The following SPIDR variants were observed in gnomAD, a reference collection of about 807,000 sequenced individuals.
SPIDR encodes scaffold protein involved in DNA repair.
Under a neutral mutation model 104.6 loss-of-function variants are expected in SPIDR, and 93 were observed. The ratio of observed to expected loss-of-function variants is 0.89; its 90% CI spans 0.75 to 1.06. The LOEUF is 1.06. Ranked by LOEUF, SPIDR falls within the 50% of genes least tolerant of loss-of-function variation. The pLI, the probability that SPIDR is intolerant of heterozygous loss-of-function variation, is 0.00. For synonymous variants in SPIDR, 431 were observed against 416.9 expected, an observed-to-expected ratio of 1.03 and a Z score of -0.41; for missense variants, 1,154 against 1,111.2, an observed-to-expected ratio of 1.04 and a Z score of -0.55.
intron 15 of SPIDR, chr8:47,713,127 C>A (rs2154488640): frequency 2.2e-6 from 2 of 924,454 alleles, no homozygotes; most frequent in Non-Finnish European, 3.0e-6. Context: ...CTGCTGCAGA[C>A]TCCACAAACA....
intron 7 of SPIDR, among the ~76,000 whole-genome samples, chr8:47,411,637 G>C (rs112247602): frequency 0.68 from 103,447 of 151,942 alleles, 35,901 homozygotes; most frequent in East Asian, 0.81. Context: ...TTCTTTTGCT[G>C]TGCAGAAGCT....
At chr8:47,500,339 C>G (rs920664848) in intron 8 of SPIDR, among the ~76,000 whole-genome samples, 4 of 152,190 alleles carry the variant, frequency 2.6e-5, no homozygotes, top group Non-Finnish European at 5.9e-5. Context: ...ACCATTCTAA[C>G]TGGTGTAAGA....
chr8:47,394,971 T>C (rs562650240), intron 5 of SPIDR, among the ~76,000 whole-genome samples: 1 of 152,308 alleles, frequency 6.6e-6, no homozygotes, highest in Non-Finnish European at 1.5e-5. Flanking sequence ...CTTTTTCTTA[T>C]TTTCAGTGTG....
At chr8:47,317,766 A>G (rs1204325870) in intron 5 of SPIDR, among the ~76,000 whole-genome samples, 2 of 152,106 alleles carry the variant, frequency 1.3e-5, no homozygotes, top group Non-Finnish European at 2.9e-5. Flanking sequence ...AGGAACAATC[A>G]GGCAGCAACA....
intron 7 of SPIDR, among the ~76,000 whole-genome samples, chr8:47,428,160 G>T (rs2066749522): frequency 6.6e-6 from 1 of 152,222 alleles, no homozygotes; most frequent in Admixed American, 6.5e-5. Context: ...CTGACCTCAA[G>T]TGATCTATCT....
chr8:47,735,236 G>A (rs1180452518), intron 19 of SPIDR, 71 bp from the exon 20 acceptor site: 3 of 1,498,688 alleles, frequency 2.0e-6, no homozygotes, highest in Admixed American at 3.4e-5. Flanking sequence ...TGGCTCTCTG[G>A]TTTTCCGTGT....
chr8:47,538,864 T>C (rs1210959736), intron 8 of SPIDR, among the ~76,000 whole-genome samples: 6 of 140,746 alleles, frequency 4.3e-5, no homozygotes, highest in South Asian at 4.7e-4. Context: ...TTTCTTTTTT[T>C]TTTTTTTTTT....
intron 9 of SPIDR, among the ~76,000 whole-genome samples, chr8:47,597,706 C>T (rs767082583): frequency 1.6e-4 from 25 of 152,168 alleles, no homozygotes; most frequent in Non-Finnish European, 2.8e-4. Context: ...AAAAGAACTG[C>T]ATAAGCTTGA....
intron 8 of SPIDR, among the ~76,000 whole-genome samples, chr8:47,500,913 T>G (rs1477982494): frequency 2.6e-5 from 4 of 152,318 alleles, no homozygotes; most frequent in African/African-American, 9.6e-5. Context: ...CTTTCCCCAT[T>G]GCTTGTTTTT....
intron 10 of SPIDR, among the ~76,000 whole-genome samples, chr8:47,664,477 A>G (rs1181305390): frequency 2.6e-5 from 4 of 152,224 alleles, no homozygotes; most frequent in African/African-American, 9.7e-5. Context: ...CAGAGTGTCA[A>G]TAAAAAGATA....
intron 10 of SPIDR, among the ~76,000 whole-genome samples, chr8:47,661,630 C>G (rs1015584466): frequency 3.9e-5 from 6 of 152,240 alleles, no homozygotes; most frequent in African/African-American, 1.4e-4. Flanking sequence ...AAGGATCGTG[C>G]TGGTGTCTGC....
At chr8:47,273,084 G>T (rs2154215866) in intron 1 of SPIDR, among the ~76,000 whole-genome samples, 1 of 152,218 alleles carries the variant, frequency 6.6e-6, no homozygotes, top group East Asian at 1.9e-4. Context: ...ACACCAAGTG[G>T]GTATCCTATA....
chr8:47,317,320 C>CGGA (rs1359447905), intron 5 of SPIDR, among the ~76,000 whole-genome samples: 1 of 152,156 alleles, frequency 6.6e-6, no homozygotes, highest in Non-Finnish European at 1.5e-5. Context: ...ACGCCTGGCT[C>CGGA]GGAGGGTCCT....
intron 9 of SPIDR, 127 bp from the exon 10 acceptor site, chr8:47,598,819 G>A (rs1001045550): frequency 9.9e-6 from 12 of 1,206,574 alleles, no homozygotes; most frequent in Middle Eastern, 4.9e-4. Context: ...CATCACTTCA[G>A]TGTAGTGCAG....
At chr8:47,275,125 G>C (rs1267869100) in intron 1 of SPIDR, among the ~76,000 whole-genome samples, 1 of 151,412 alleles carries the variant, frequency 6.6e-6, no homozygotes, top group Admixed American at 6.6e-5. Context: ...CGCGCGTGGT[G>C]GGGGGCGCCT....
intron 16 of SPIDR, among the ~76,000 whole-genome samples, chr8:47,721,521 G>A (rs549911440): frequency 3.3e-5 from 5 of 151,914 alleles, no homozygotes; most frequent in East Asian, 1.9e-4. Flanking sequence ...ACCCAGGCTG[G>A]AGTGCAGTGG....
At chr8:47,708,059 G>A (rs994345182) in intron 14 of SPIDR, among the ~76,000 whole-genome samples, 1 of 152,220 alleles carries the variant, frequency 6.6e-6, no homozygotes, top group African/African-American at 2.4e-5. Context: ...CAGCACTTTG[G>A]GAGGCCGAGG....
chr8:47,428,634 T>C (rs2066830460), intron 7 of SPIDR, among the ~76,000 whole-genome samples: 1 of 152,222 alleles, frequency 6.6e-6, no homozygotes, highest in Admixed American at 6.5e-5. Flanking sequence ...TTTTTTTAGA[T>C]TTAAGAAATG....
At chr8:47,529,292 C>T (rs1564240011) in intron 8 of SPIDR, among the ~76,000 whole-genome samples, 4 of 152,030 alleles carry the variant, frequency 2.6e-5, no homozygotes, top group South Asian at 2.1e-4. Flanking sequence ...GTGACACGCA[C>T]CTGTAATCCC....
Sources: allele counts gnomAD v4.1 joint callset (sites outside exome capture counted in the v4.1 genomes callset), GRCh38; gene constraint gnomAD v4.1.1; transcripts MANE v1.5; gene names NCBI Gene and HGNC (gene_info 2026-07-23, HGNC 2026-07-21).